The following PRKCE variants were observed in gnomAD, a reference collection of about 807,000 sequenced individuals.
PRKCE encodes the protein protein kinase C epsilon.
PRKCE carries 16 observed loss-of-function variants against 85.4 expected under a neutral mutation model. That is an observed-to-expected ratio of 0.19 (90% CI 0.13 to 0.28). The LOEUF (loss-of-function observed/expected upper bound fraction) is 0.28. Among genes scored for constraint, PRKCE ranks in the 10% least tolerant of loss-of-function variants. The probability of loss-of-function intolerance (pLI) is 1.00; values close to 1 mark genes in which losing one functional copy is unlikely to be tolerated. For missense variants in PRKCE, 573 were observed against 975.2 expected, an observed-to-expected ratio of 0.59 and a Z score of 5.49; for synonymous variants, 388 against 371.5, an observed-to-expected ratio of 1.04 and a Z score of -0.51.
At chr2:45,911,189 A>G (rs187916870) in intron 2 of PRKCE, among the ~76,000 whole-genome samples, 4 of 152,328 alleles carry the variant, frequency 2.6e-5, no homozygotes, top group Non-Finnish European at 5.9e-5. Context: ...ACAAATTTCC[A>G]GGGGAAATGC....
At chr2:45,858,331 T>C (rs1692846930) in intron 2 of PRKCE, among the ~76,000 whole-genome samples, 1 of 152,226 alleles carries the variant, frequency 6.6e-6, no homozygotes, top group Non-Finnish European at 1.5e-5. Flanking sequence ...CTTCCTGTAC[T>C]GCATGAGGCC....
chr2:45,984,533 A>G lies in PRKCE; in HGVS notation c.694-18A>G. 6.3e-7 allele frequency: 1 copy of G among 1,598,432 alleles called. No homozygotes were observed. Among genetic ancestry groups the G allele is most frequent in the Non-Finnish European group, 8.5e-7 (1 of 1,179,150 alleles). On this transcript the variant is annotated intron_variant, in intron 5 of 14. Coordinates refer to ENST00000306156, the MANE Select transcript of PRKCE (RefSeq NM_005400.3). ...CTGAGGAGCTCGGTGGTGAACCTGT[A>G]TCTTGCCATCCCTGCAGGTGGGCTC...
At chr2:45,942,225 C>T (rs1214287211) in intron 2 of PRKCE, among the ~76,000 whole-genome samples, 2 of 152,118 alleles carry the variant, frequency 1.3e-5, no homozygotes, top group Non-Finnish European at 2.9e-5. Context: ...CAGGCTGAAT[C>T]GTTGTGCTAG....
At chr2:45,929,545 G>T (rs1698879511) in intron 2 of PRKCE, among the ~76,000 whole-genome samples, 1 of 152,098 alleles carries the variant, frequency 6.6e-6, no homozygotes, top group Non-Finnish European at 1.5e-5. Context: ...GTGTCTAGGT[G>T]GGTGGCTGGG....
intron 10 of PRKCE, among the ~76,000 whole-genome samples, chr2:46,080,972 TACAC>T (rs112421012): frequency 0.016 from 2,344 of 147,508 alleles, 42 homozygotes; most frequent in East Asian, 0.036. Context: ...CAGTTATGCA[TACAC>T]ACACACACAC....
intron 1 of PRKCE, among the ~76,000 whole-genome samples, chr2:45,657,811 A>G (rs1019546490): frequency 6.6e-6 from 1 of 152,128 alleles, no homozygotes; most frequent in Non-Finnish European, 1.5e-5. Flanking sequence ...CATCATTCGG[A>G]GAGGTTAGGC....
intron 13 of PRKCE, among the ~76,000 whole-genome samples, chr2:46,158,468 A>T (rs1221462961): frequency 6.6e-6 from 1 of 152,182 alleles, no homozygotes; most frequent in Non-Finnish European, 1.5e-5. Context: ...GTGCACTGGT[A>T]CCATTCCTGA....
intron 1 of PRKCE, among the ~76,000 whole-genome samples, chr2:45,717,503 C>G (rs979819938): frequency 2.0e-5 from 3 of 152,214 alleles, no homozygotes; most frequent in African/African-American, 7.2e-5. Flanking sequence ...TGGGTTCCCC[C>G]TAAAGCATAT....
chr2:46,023,409 A>G (rs1327398632), intron 10 of PRKCE, among the ~76,000 whole-genome samples: 1 of 152,246 alleles, frequency 6.6e-6, no homozygotes, highest in Admixed American at 6.5e-5. Context: ...GCAAGAAATG[A>G]CTGACAGCCA....
At chr2:45,781,207 T>C (rs1375055123) in intron 1 of PRKCE, among the ~76,000 whole-genome samples, 1 of 150,038 alleles carries the variant, frequency 6.7e-6, no homozygotes, top group Non-Finnish European at 1.5e-5. Context: ...TGGTGTGGAG[T>C]ATGTCTGTGA....
Position 45,980,246 on chromosome 2 carries a change from C to A in PRKCE, c.608-50C>A, listed in dbSNP as rs548071405. ...AGCCCTGAATAGATCCTGGGAGGGA[C>A]ACTCCCTTTCCTGAGTGTCATTCAG... On this transcript the variant is annotated intron_variant, in intron 4 of 14. Transcript: ENST00000306156. The A allele has an allele frequency of 2.6e-6, 4 of 1,563,954 alleles. No individual in the cohort carries two copies. The African/African-American group carries it at 5.4e-5, about 21-fold the overall frequency.
chr2:45,933,657 T>C (rs1699229603), intron 2 of PRKCE, among the ~76,000 whole-genome samples: 1 of 151,900 alleles, frequency 6.6e-6, no homozygotes, highest in African/African-American at 2.4e-5. Context: ...TTTGTGTTTT[T>C]AGTGGAGACG....
chr2:45,717,583 T>C (rs147478682), intron 1 of PRKCE, among the ~76,000 whole-genome samples: 136 of 152,364 alleles, frequency 8.9e-4, no homozygotes, highest in African/African-American at 3.0e-3. Flanking sequence ...GTAATCTGTC[T>C]TGACTGCAAG....
rs1417679389 is a variant in PRKCE at position 46,018,786 on chromosome 2, T to C, written c.1437+8269T>C. On this transcript the variant is annotated intron_variant, in intron 10 of 14. Coordinates refer to ENST00000306156, the MANE Select transcript of PRKCE (RefSeq NM_005400.3). ...ATGTAAACTGTTTCACTTAGTAATA[T>C]AGTAGAGCTATTTTCCTTGTCACTA... Among the ~76,000 whole-genome samples the C allele has an allele frequency of 2.0e-5, 3 of 152,250 alleles. No homozygotes were observed. In the East Asian group the frequency reaches 5.8e-4, roughly 29 times the overall value.
intron 2 of PRKCE, among the ~76,000 whole-genome samples, chr2:45,946,075 G>A (rs1454272604): frequency 2.6e-5 from 4 of 152,252 alleles, no homozygotes. Flanking sequence ...TTATGAATGT[G>A]GCACATGCCC....
Position 45,824,950 on chromosome 2 carries a change from G to A in PRKCE, c.349-18050G>A, listed in dbSNP as rs181516314. Among the ~76,000 whole-genome samples, 66 of 152,340 alleles carry A rather than the reference G, an allele frequency of 4.3e-4. 1 individual carries two copies. Among genetic ancestry groups the A allele is most frequent in the African/African-American group, 1.3e-3 (56 of 41,566 alleles). ...GAAAGCTGCAGTCAGGGCAGGAGAC[G>A]GGGTTGGAGAGGTTGGGTGGTGGGA... On this transcript the variant is annotated intron_variant, in intron 1 of 14. Coordinates refer to ENST00000306156, the MANE Select transcript of PRKCE (RefSeq NM_005400.3).
intron 2 of PRKCE, among the ~76,000 whole-genome samples, chr2:45,942,515 C>T (rs752213901): frequency 6.6e-5 from 10 of 152,094 alleles, no homozygotes; most frequent in East Asian, 3.8e-4. Flanking sequence ...AACGTGCAGC[C>T]GTTGTGATGT....
intron 2 of PRKCE, among the ~76,000 whole-genome samples, chr2:45,972,488 A>G (rs1236263109): frequency 6.6e-6 from 1 of 151,920 alleles, no homozygotes; most frequent in Non-Finnish European, 1.5e-5. Flanking sequence ...CAACTTGTTT[A>G]TTTTTGCTTT....
At chr2:45,833,279 A>C (rs1347556508) in intron 1 of PRKCE, among the ~76,000 whole-genome samples, 4 of 152,224 alleles carry the variant, frequency 2.6e-5, no homozygotes, top group Admixed American at 2.6e-4. Flanking sequence ...TCTGGTTACA[A>C]ATTCCTGAGT....
Sources: gnomAD v4.1 joint callset for allele counts (sites outside exome capture counted in the v4.1 genomes callset) on GRCh38, gnomAD v4.1.1 for gene constraint, MANE v1.5 for transcripts, NCBI Gene and HGNC (gene_info 2026-07-23, HGNC 2026-07-21) for gene names.